The following VPS35L variants were observed in gnomAD, a reference collection of about 807,000 sequenced individuals.
VPS35L encodes the protein VPS35 endosomal protein sorting factor like.
VPS35L carries 83 observed loss-of-function variants against 133.0 expected under a neutral mutation model. The ratio of observed to expected loss-of-function variants is 0.62; its 90% CI spans 0.52 to 0.75. The LOEUF is 0.75. Among genes scored for constraint, VPS35L ranks in the 30% least tolerant of loss-of-function variants. The probability of loss-of-function intolerance (pLI) is 0.00; values close to 1 mark genes in which losing one functional copy is unlikely to be tolerated. For synonymous variants in VPS35L, 423 were observed against 449.9 expected, an observed-to-expected ratio of 0.94 and a Z score of 0.76; for missense variants, 1,083 against 1,206.8, an observed-to-expected ratio of 0.90 and a Z score of 1.52.
At chr16:19,578,683 TA>T (rs1208774231) in intron 5 of VPS35L, 1 of 321,116 alleles carries the variant, frequency 3.1e-6, no homozygotes, top group Non-Finnish European at 6.1e-6. Flanking sequence ...ACGCTGTGAG[TA>T]AGAGCCTAAG....
intron 9 of VPS35L, among the ~76,000 whole-genome samples, chr16:19,605,647 G>C (rs1400631050): frequency 6.6e-6 from 1 of 152,104 alleles, no homozygotes; most frequent in Non-Finnish European, 1.5e-5. Flanking sequence ...GGCATGGCTG[G>C]CTCCCTTTCG....
At chr16:19,591,248 A>C (rs1972033717) in intron 7 of VPS35L, among the ~76,000 whole-genome samples, 1 of 152,214 alleles carries the variant, frequency 6.6e-6, no homozygotes, top group East Asian at 1.9e-4. Context: ...TGAAATCAAC[A>C]GAAGAAGCCA....
At chr16:19,694,879 G>A (rs1255643709) in intron 29 of VPS35L, among the ~76,000 whole-genome samples, 2 of 152,092 alleles carry the variant, frequency 1.3e-5, no homozygotes, top group Non-Finnish European at 2.9e-5. Flanking sequence ...GGTGGCACAT[G>A]CCTGTAATCC....
At chr16:19,662,503 G>GTA (rs1974521442) in intron 26 of VPS35L, among the ~76,000 whole-genome samples, 2 of 152,140 alleles carry the variant, frequency 1.3e-5, no homozygotes, top group African/African-American at 4.8e-5. Context: ...GGCAAAGTTC[G>GTA]CATTTATTTA....
intron 29 of VPS35L, among the ~76,000 whole-genome samples, chr16:19,697,700 G>A (rs914052717): frequency 3.9e-5 from 6 of 152,032 alleles, no homozygotes; most frequent in Non-Finnish European, 7.4e-5. Context: ...TTTGGTGTAA[G>A]CCCAATCAAG....
Position 19,569,586 on chromosome 16 carries a change from G to A in VPS35L, c.280G>A (p.Ala94Thr). The A allele has an allele frequency of 1.3e-6, 2 of 1,545,278 alleles. No homozygotes were observed. Among genetic ancestry groups the A allele is most frequent in the Non-Finnish European group, 1.7e-6 (2 of 1,147,410 alleles). The change falls in exon 3 of 31, where the codon GCC becomes ACC. Residue 94 changes from alanine (A) to threonine (T), a missense_variant. Physicochemically the swap from Ala to Thr is moderately conservative, Grantham distance 58 (BLOSUM62 0). Transcript: ENST00000417362. Reference sequence around the variant, plus strand: ...TGCTGACCCCGCAGCCTTGGCAGCTGCCATGGTAATGCACCCCAGCCATGG... The same window carrying A: ...TGCTGACCCCGCAGCCTTGGCAGCTACCATGGTAATGCACCCCAGCCATGG... The part of the protein sequence containing the change: ...ATADPAALAA[A>T]MDSSRRKRDR...
chr16:19,674,426 G>C (rs1167484512), intron 27 of VPS35L, among the ~76,000 whole-genome samples: 1 of 151,638 alleles, frequency 6.6e-6, no homozygotes, highest in Non-Finnish European at 1.5e-5. Flanking sequence ...GAACTCCTGA[G>C]CTCAAGTGAT....
At chr16:19,619,581 C>T (rs976003313) in intron 14 of VPS35L, among the ~76,000 whole-genome samples, 1 of 151,676 alleles carries the variant, frequency 6.6e-6, no homozygotes, top group Non-Finnish European at 1.5e-5. Flanking sequence ...CTTATTTTAG[C>T]GAAAGGCAAA....
chr16:19,630,295 G>A (rs1320994257), intron 18 of VPS35L, among the ~76,000 whole-genome samples: 1 of 142,782 alleles, frequency 7.0e-6, no homozygotes, highest in East Asian at 2.1e-4. Context: ...CCTTGCCAGA[G>A]TAATTTGTTT....
intron 1 of VPS35L, among the ~76,000 whole-genome samples, chr16:19,561,079 A>G (rs1268036743): frequency 1.3e-5 from 2 of 152,048 alleles, no homozygotes; most frequent in East Asian, 3.9e-4. Flanking sequence ...TAAAAAAAAT[A>G]AAAGTAGGGG....
chr16:19,569,193 A>AT (rs199665611), intron 2 of VPS35L: 2 of 687,586 alleles, frequency 2.9e-6, no homozygotes, highest in Non-Finnish European at 5.3e-6. Context: ...CTCTCAATTA[A>AT]TTTTTTTAAC....
At chr16:19,666,904 CTTTCTTTCTTTCTTTCTTTCTTT>C (rs1974690678) in intron 26 of VPS35L, among the ~76,000 whole-genome samples, 2 of 80,700 alleles carry the variant, frequency 2.5e-5, no homozygotes, top group African/African-American at 5.2e-5. Flanking sequence ...TTCTTTCTTT[CTTTCTTTCTTTCTTTCTTTCTTT>C]CTTTCTTCCT....
intron 25 of VPS35L, among the ~76,000 whole-genome samples, chr16:19,650,980 G>T (rs1439829400): frequency 1.3e-5 from 2 of 150,142 alleles, no homozygotes; most frequent in Non-Finnish European, 3.0e-5. Flanking sequence ...CCAAGTTCAA[G>T]CGATTCTCCT....
chr16:19,645,045 G>A (rs1019547063), intron 23 of VPS35L, 96 bp downstream of exon 23: 8 of 805,966 alleles, frequency 9.9e-6, no homozygotes, highest in Admixed American at 2.3e-5. Context: ...GTTCTCTGGT[G>A]CTTTTCATTC....
At chr16:19,589,461 T>C (rs927069643) in intron 7 of VPS35L, among the ~76,000 whole-genome samples, 3 of 152,000 alleles carry the variant, frequency 2.0e-5, no homozygotes, top group African/African-American at 4.8e-5. Flanking sequence ...CCCAAGCTGG[T>C]CTTAAACTCC....
intron 28 of VPS35L, among the ~76,000 whole-genome samples, chr16:19,686,560 A>G (rs1321165268): frequency 2.0e-5 from 3 of 152,068 alleles, no homozygotes; most frequent in African/African-American, 7.2e-5. Context: ...CCAGGCCCTC[A>G]AAGCATTCGG....
At chr16:19,667,734 GAA>G (rs561897457) in intron 26 of VPS35L, among the ~76,000 whole-genome samples, 20 of 113,728 alleles carry the variant, frequency 1.8e-4, no homozygotes, top group African/African-American at 3.1e-4. Flanking sequence ...ACCCTGTCTG[GAA>G]AAAAAAAAAA....
intron 25 of VPS35L, among the ~76,000 whole-genome samples, chr16:19,650,878 C>T (rs1974102009): frequency 6.6e-6 from 1 of 151,760 alleles, no homozygotes; most frequent in Non-Finnish European, 1.5e-5. Flanking sequence ...TGATGCCCAA[C>T]TTTGTTTTTG....
chr16:19,679,102 C>T (rs1272596740), intron 27 of VPS35L, among the ~76,000 whole-genome samples: 1 of 125,222 alleles, frequency 8.0e-6, no homozygotes, highest in Non-Finnish European at 1.5e-5. Context: ...ACCGAATAGC[C>T]TAGTTAAAAA....
Sources: allele counts gnomAD v4.1 joint callset (sites outside exome capture counted in the v4.1 genomes callset), GRCh38; gene constraint gnomAD v4.1.1; transcripts MANE v1.5; gene names NCBI Gene and HGNC (gene_info 2026-07-23, HGNC 2026-07-21).